PFKFB2: variants seen among roughly 807,000 people sequenced by gnomAD.
The protein encoded by PFKFB2 is 6-phosphofructo-2-kinase/fructose-2,6-biphosphatase 2, also known as 6-phosphofructo-2-kinase/fructose-2,6-bisphosphatase 2.
In PFKFB2, 53 loss-of-function variants were observed where a neutral mutation model predicts 68.0. That is an observed-to-expected ratio of 0.78 (90% CI 0.63 to 0.98). The LOEUF is 0.98. Among genes scored for constraint, PFKFB2 ranks in the 50% least tolerant of loss-of-function variants. PFKFB2 has a pLI of 0.00. For missense variants in PFKFB2, 451 were observed against 642.0 expected (o/e 0.70, Z 3.22); for synonymous variants, 222 against 227.6 (o/e 0.98, Z 0.22).
upstream of PFKFB2, chr1:207,050,998 TCCAAAATGGCGACCTTTAGCGGGGC>T: frequency 6.5e-7 from 1 of 1,527,356 alleles, no homozygotes; most frequent in East Asian, 2.5e-5. Context: ...CCGGGTGGAC[TCCAAAATGGCGACCTTTAGCGGGGC>T]CAAACATCGC....
chr1:207,067,759 T>G, intron 9 of PFKFB2, 53 bp downstream of exon 9: 1 of 1,391,090 alleles, frequency 7.2e-7, no homozygotes, highest in Non-Finnish European at 1.0e-6. Flanking sequence ...TAGAAGGGCA[T>G]GACTGAGGTC....
At chr1:207,039,428 G>C (rs1682438732) in intron 1 of PFKFB2, among the ~76,000 whole-genome samples, 1 of 152,054 alleles carries the variant, frequency 6.6e-6, no homozygotes, top group African/African-American at 2.4e-5. Context: ...CCATAAAAAG[G>C]ACATTTCCAT....
intron 2 of PFKFB2, among the ~76,000 whole-genome samples, chr1:207,060,597 T>C (rs1023030370): frequency 6.6e-6 from 1 of 152,168 alleles, no homozygotes; most frequent in African/African-American, 2.4e-5. Context: ...GCAGGGCTTT[T>C]TGCAGTGGGC....
intron 1 of PFKFB2, chr1:207,034,565 A>T (rs1682341089): frequency 6.6e-6 from 1 of 152,228 alleles, no homozygotes; most frequent in African/African-American, 2.4e-5. Context: ...TTGTGAACAG[A>T]CACAGTTTTT....
chr1:207,076,040 CGTT>C lies in PFKFB2; in HGVS notation c.*3679_*3681del, dbSNP rs570591442. ...CCCTATATCTTTGCCTCTGGTGTTT[CGTT>C]GTTGTTGTTATTGTTTGTTTGTTTC... On this transcript the variant is annotated 3_prime_UTR_variant, in exon 15 of 15. Transcript: ENST00000367080. The C allele has an allele frequency of 5.1e-4, 504 of 985,254 alleles. 2 individuals carry two copies. Among genetic ancestry groups the C allele is most frequent in the Middle Eastern group, 3.1e-3 (6 of 1,912 alleles). The allele number at this position is 985,254 out of a possible 1,614,324, so 61.0% of individuals were successfully genotyped here.
rs764023717 is a variant in PFKFB2, at chr1:207,062,058, G to A, written c.191G>A (p.Trp64Ter). The change falls in exon 3 of 15, where the codon TGG becomes TAG. Residue 64 changes from tryptophan to a stop codon, truncating the protein, a stop_gained. Coordinates refer to ENST00000367080, the MANE Select transcript of PFKFB2 (RefSeq NM_006212.2). LOFTEE classifies it high-confidence loss of function. ...VSKKLTRYLN[W>*]IGVPTKVFNL... The stretch of plus-strand genomic sequence containing the variant: ...AAGAAACTAACACGCTACCTCAACT[G>A]GATTGGAGTCCCCACCAAAGGTAAG... 3 of 1,614,088 alleles carry A rather than the reference G, an allele frequency of 1.9e-6. No homozygotes were observed. Among genetic ancestry groups the A allele is most frequent in the South Asian group, 2.2e-5 (2 of 91,074 alleles).
chr1:207,050,783 G>C, upstream of PFKFB2: 24 of 1,613,460 alleles, frequency 1.5e-5, no homozygotes, highest in Non-Finnish European at 2.0e-5. Context: ...ACCGCCGGGG[G>C]CGATCCCGGT....
At chr1:207,045,288 ATAAG>A (rs1177236623) in intron 2 of PFKFB2, 2 of 152,508 alleles carry the variant, frequency 1.3e-5, no homozygotes, top group East Asian at 1.9e-4. Context: ...TCACATAATA[ATAAG>A]TAACATTTTT....
upstream of PFKFB2, chr1:207,051,120 G>A (rs1001052639): frequency 5.6e-6 from 8 of 1,422,608 alleles, no homozygotes; most frequent in Admixed American, 3.0e-5. Context: ...CTTTTAAAGT[G>A]ACAACTGATT....
At chr1:207,048,076 A>T (rs1276609233) in intron 2 of PFKFB2, 1 of 152,560 alleles carries the variant, frequency 6.6e-6, no homozygotes, top group East Asian at 1.9e-4. Flanking sequence ...CCCCCGATAA[A>T]CTTTACGCAA....
In PFKFB2 at chr1:207,067,576, A is replaced by G. The variant is rs977149025; in HGVS notation, c.710A>G (p.Lys237Arg). The G allele has an allele frequency of 1.2e-6, 2 of 1,613,846 alleles. No individual in the cohort carries two copies. The highest frequency in any genetic ancestry group is 2.7e-5 in the African/African-American group (2 of 74,892). Residue 237 changes from lysine to arginine, a missense_variant, in exon 9 of 15, where the codon AAG becomes AGG. Coordinates refer to ENST00000367080, the MANE Select transcript of PFKFB2 (RefSeq NM_006212.2). ...VNRVQDYIQS[K>R]IVYYLMNIHV... ...AGAGTCCAGGACTACATCCAGAGCA[A>G]GATAGTCTACTACCTCATGAATATC...
Position 207,061,149 on chromosome 1 carries a change from ATATTTATATATATCTT to A in PFKFB2, c.86-800_86-785del, listed in dbSNP as rs1683092631. 6.5e-5 allele frequency among the ~76,000 whole-genome samples: 7 copies of A among 106,946 alleles called. 1 individual carries two copies. The highest frequency in any genetic ancestry group is 4.9e-4 in the East Asian group (2 of 4,080). 70.2% of individuals were successfully genotyped at this position (106,946 alleles called of 152,430 possible). ...TATATCTTTATATATATCTTTATATATATTTATATATATCTTTATATATATATATATATATATATAT... is the reference window on the plus strand; with the variant it reads ...TATATCTTTATATATATCTTTATATATATATATATATATATATATATATAT... On this transcript the variant is annotated intron_variant, in intron 2 of 14. Transcript: ENST00000367080.
rs375856749 is a variant in PFKFB2 at position 207,037,235 on chromosome 1, A to G, written c.-62+2763A>G. Among the ~76,000 whole-genome samples, 11 of 152,302 alleles carry G rather than the reference A, an allele frequency of 7.2e-5. No individual in the cohort carries two copies. The East Asian group carries it at 1.9e-3, about 27-fold the overall frequency. ...ACATCCAACACAGCTGGCCACTTTC[A>G]GTTTTTTTAAAAAACTATTTTCTCT... On this transcript the variant is annotated intron_variant, in intron 1 of 5. Transcript: ENST00000545806.
upstream of PFKFB2, among the ~76,000 whole-genome samples, chr1:207,052,537 T>G (rs1344666234): frequency 6.6e-6 from 1 of 152,148 alleles, no homozygotes; most frequent in Non-Finnish European, 1.5e-5. Context: ...GGTCCATGCC[T>G]TTAATTCTAG....
Position 207,062,029 on chromosome 1 carries a change from G to A in PFKFB2, c.162G>A (p.Val54=). ...IGLPARGKTY[V]SKKLTRYLNW... is the part of the protein sequence containing the mutation. ...TGCCAGCCCGGGGTAAAACCTACGT[G>A]TCCAAGAAACTAACACGCTACCTCA... The change falls in exon 3 of 15, where the codon GTG becomes GTA. Residue 54 remains valine (V), a synonymous_variant. Transcript: ENST00000367080. 5.6e-6 allele frequency: 9 copies of A among 1,614,144 alleles called. 1 individual carries two copies. Among genetic ancestry groups the A allele is most frequent in the Non-Finnish European group, 5.9e-6 (7 of 1,179,988 alleles).
In PFKFB2 at chr1:207,064,985, C is replaced by T. The variant is rs377175947; in HGVS notation, c.508-51C>T. The T allele has an allele frequency of 5.1e-6, 8 of 1,566,218 alleles. No individual in the cohort carries two copies. The African/African-American group carries it at 5.5e-5, about 11-fold the overall frequency. On this transcript the variant is annotated intron_variant, in intron 7 of 14. Transcript: ENST00000367080. ...TTAGCAGTGGCTATTTGTAGGAGGACTGTTACGGGCAGACCTCTGATGAGG... is the reference window on the plus strand; with the variant it reads ...TTAGCAGTGGCTATTTGTAGGAGGATTGTTACGGGCAGACCTCTGATGAGG...
At chr1:207,059,160 A>C (rs1032909958) in intron 2 of PFKFB2, among the ~76,000 whole-genome samples, 24 of 152,304 alleles carry the variant, frequency 1.6e-4, no homozygotes, top group African/African-American at 5.5e-4. Context: ...GTCCCAGTGG[A>C]TGCAGTTTTT....
rs1481873305 is a variant in PFKFB2 at position 207,063,886 on chromosome 1, G to T, written c.507+57G>T. On this transcript the variant is annotated intron_variant, in intron 7 of 14. Transcript: ENST00000367080. This position sits in a 1 kb window ranked among gnomAD's most constrained non-coding sequence, Gnocchi z 4.1. ...TCACCTTTTGTGCTGTGTGTGTTGT[G>T]GGGTGTGTGTGTGTGTGTGTGTGTG... is the stretch of plus-strand genomic sequence containing the variant. 1 of 849,582 alleles carries T rather than the reference G, an allele frequency of 1.2e-6. No individual in the cohort carries two copies. The highest frequency in any genetic ancestry group is 1.8e-6 in the Non-Finnish European group (1 of 555,596). 52.6% of individuals were successfully genotyped at this position (849,582 alleles called of 1,614,324 possible).
At chr1:207,050,909 C>T, upstream of PFKFB2, 1 of 1,604,480 alleles carries the variant, frequency 6.2e-7, no homozygotes, top group Non-Finnish European at 8.5e-7. Flanking sequence ...GTCGGTCCGG[C>T]TGCCCACAGG....
Sources: allele counts gnomAD v4.1 joint callset (sites outside exome capture counted in the v4.1 genomes callset), GRCh38; gene constraint gnomAD v4.1.1; non-coding constraint Gnocchi (gnomAD v3.1); transcripts MANE v1.5; gene names NCBI Gene and HGNC (gene_info 2026-07-23, HGNC 2026-07-21).